Variants in OR14A2 observed in about 807,000 individuals in gnomAD.
OR14A2 encodes the protein olfactory receptor 14A2.
For synonymous variants in OR14A2, 114 were observed against 58.6 expected (o/e 1.95, Z -4.32); for missense variants, 237 against 152.9 (o/e 1.55, Z -2.90).
chr1:247,730,176 G>A, the OR14A2 span, among the ~76,000 whole-genome samples: 2 of 152,024 alleles, frequency 1.3e-5, no homozygotes, highest in African/African-American at 4.8e-5. Context: ...ATGAGTCAAA[G>A]GTGGCTCCTG....
At chr1:247,736,044 C>T in the OR14A2 span, among the ~76,000 whole-genome samples, 4 of 151,542 alleles carry the variant, frequency 2.6e-5, no homozygotes, top group South Asian at 2.1e-4. Flanking sequence ...AGAATGGAAA[C>T]ATTTTCCGGG....
At chr1:247,736,991 C>G in the OR14A2 span, among the ~76,000 whole-genome samples, 1 of 152,122 alleles carries the variant, frequency 6.6e-6, no homozygotes, top group African/African-American at 2.4e-5. Flanking sequence ...ATAGAGGGGT[C>G]TCATCTTGTT....
the OR14A2 span, among the ~76,000 whole-genome samples, chr1:247,734,717 T>C: frequency 4.2e-4 from 64 of 152,254 alleles, no homozygotes; most frequent in African/African-American, 1.5e-3. Flanking sequence ...TGAAGTCCTA[T>C]GGGGCTGGAT....
At chr1:247,747,584 G>C in the OR14A2 span, among the ~76,000 whole-genome samples, 8 of 151,880 alleles carry the variant, frequency 5.3e-5, no homozygotes, top group African/African-American at 1.9e-4. Context: ...GGATGGTCTC[G>C]ATCTCCTGAC....
At chr1:247,736,569 C>A in the OR14A2 span, among the ~76,000 whole-genome samples, 8 of 152,174 alleles carry the variant, frequency 5.3e-5, no homozygotes, top group Middle Eastern at 3.4e-3. Flanking sequence ...AAATATAAAT[C>A]AAAAATGAGA....
chr1:247,727,064 G>A (rs929989244), upstream of OR14A2, among the ~76,000 whole-genome samples: 1 of 150,760 alleles, frequency 6.6e-6, no homozygotes, highest in African/African-American at 2.5e-5. Flanking sequence ...TTCCAATTCT[G>A]TGAAGAAAGT....
chr1:247,745,169 A>G, the OR14A2 span, among the ~76,000 whole-genome samples: 24,864 of 152,148 alleles, frequency 0.16, 3,837 homozygotes, highest in African/African-American at 0.41. Flanking sequence ...GAAGTAATAA[A>G]ATAATTCTAT....
the OR14A2 span, among the ~76,000 whole-genome samples, chr1:247,734,662 G>A: frequency 6.6e-6 from 1 of 152,048 alleles, no homozygotes. Flanking sequence ...AAAATCCCTA[G>A]GAATACCTTA....
chr1:247,743,468 C>T, the OR14A2 span, among the ~76,000 whole-genome samples: 3 of 152,198 alleles, frequency 2.0e-5, no homozygotes, highest in South Asian at 6.2e-4. Context: ...TTTATTTCCA[C>T]CAATCATCTG....
At chr1:247,734,422 C>T in the OR14A2 span, among the ~76,000 whole-genome samples, 1 of 152,142 alleles carries the variant, frequency 6.6e-6, no homozygotes. Context: ...TTTGTCATGG[C>T]AGCCTAAACA....
chr1:247,736,359 G>T, the OR14A2 span, among the ~76,000 whole-genome samples: 1 of 151,986 alleles, frequency 6.6e-6, no homozygotes, highest in Admixed American at 6.6e-5. Context: ...TGTATTATAT[G>T]TATTTTCCCA....
At chr1:247,729,153 C>A in the OR14A2 span, among the ~76,000 whole-genome samples, 4 of 151,970 alleles carry the variant, frequency 2.6e-5, no homozygotes, top group African/African-American at 9.7e-5. Context: ...TTAGAATTCC[C>A]CAAAGAAAAA....
rs371897453 is a variant in OR14A2 at position 247,723,142 on chromosome 1, C to G, written c.902G>C (p.Arg301Thr). 8.4e-6 allele frequency: 6 copies of G among 717,260 alleles called. No homozygotes were observed. In the East Asian group the frequency reaches 1.6e-4, roughly 19 times the overall value. The allele number at this position is 717,260 out of a possible 1,614,324, so 44.4% of individuals were successfully genotyped here. A position where few individuals can be genotyped will look rare whatever the true frequency, so the allele number is the denominator to read the frequency against. The change falls in exon 1 of 1, where the codon AGG becomes ACG. Residue 301 changes from arginine (R) to threonine (T), a missense_variant. By Grantham distance (71) the Arg-to-Thr change is moderately conservative. Transcript: ENST00000366485. ...CTGACCATATGTTTTCTGCAGCAACCTTATCAGAGCACATTTCATGTCATT... is the reference window on the plus strand; with the variant it reads ...CTGACCATATGTTTTCTGCAGCAACGTTATCAGAGCACATTTCATGTCATT...
the OR14A2 span, among the ~76,000 whole-genome samples, chr1:247,733,896 G>A: frequency 6.6e-6 from 1 of 152,092 alleles, no homozygotes; most frequent in African/African-American, 2.4e-5. Context: ...GAGTATCTAC[G>A]TAGACATTTT....
chr1:247,747,120 A>C, the OR14A2 span: 3 of 152,340 alleles, frequency 2.0e-5, no homozygotes, highest in Admixed American at 6.5e-5. Context: ...ACATCTTCTA[A>C]TATCTTGCCT....
the OR14A2 span, among the ~76,000 whole-genome samples, chr1:247,747,222 A>C: frequency 3.9e-4 from 60 of 152,296 alleles, no homozygotes; most frequent in African/African-American, 1.3e-3. Context: ...AAGAGAGACA[A>C]ATACCACTTC....
upstream of OR14A2, among the ~76,000 whole-genome samples, chr1:247,727,941 A>C (rs1258960130): frequency 6.9e-6 from 1 of 144,334 alleles, no homozygotes; most frequent in Non-Finnish European, 1.5e-5. Context: ...ATAGTTTACC[A>C]ACCAAAAAGA....
chr1:247,732,981 C>T, the OR14A2 span, among the ~76,000 whole-genome samples: 1 of 152,058 alleles, frequency 6.6e-6, no homozygotes, highest in African/African-American at 2.4e-5. Context: ...TTTGCCAATC[C>T]AGGAGAGATT....
upstream of OR14A2, chr1:247,724,128 C>T (rs187643835): frequency 1.3e-5 from 8 of 604,082 alleles, no homozygotes; most frequent in South Asian, 1.1e-4. Context: ...TTAGTCTATA[C>T]AGACTAGCAA....
Sources: allele counts gnomAD v4.1 joint callset (sites outside exome capture counted in the v4.1 genomes callset), GRCh38; gene constraint gnomAD v4.1.1; transcripts MANE v1.5; gene names NCBI Gene and HGNC (gene_info 2026-07-23, HGNC 2026-07-21).